The following DPP10 variants were observed in gnomAD, a reference collection of about 807,000 sequenced individuals.
The protein encoded by DPP10 is inactive dipeptidyl peptidase 10.
Under a neutral mutation model 120.9 loss-of-function variants are expected in DPP10, and 33 were observed. The observed-to-expected ratio is 0.27, with a 90% CI of 0.21 to 0.37. The LOEUF (loss-of-function observed/expected upper bound fraction) is 0.37. Among genes scored for constraint, DPP10 ranks in the 10% least tolerant of loss-of-function variants. DPP10 has a pLI of 1.00. For missense variants in DPP10, 816 were observed against 942.8 expected (o/e 0.87, Z 1.76); for synonymous variants, 337 against 326.1 (o/e 1.03, Z -0.36).
At chr2:114,730,046 A>G (rs1676742441) in intron 1 of DPP10, among the ~76,000 whole-genome samples, 1 of 152,246 alleles carries the variant, frequency 6.6e-6, no homozygotes, top group Non-Finnish European at 1.5e-5. Flanking sequence ...ACAAGTTATT[A>G]AAGAGAAATA....
chr2:115,269,933 A>C (rs1453132214), intron 1 of DPP10, among the ~76,000 whole-genome samples: 1 of 152,024 alleles, frequency 6.6e-6, no homozygotes, highest in Non-Finnish European at 1.5e-5. Flanking sequence ...GTGGCTATAA[A>C]CTTTAGCCCT....
At chr2:114,809,002 C>T (rs989068921) in intron 1 of DPP10, among the ~76,000 whole-genome samples, 1 of 149,782 alleles carries the variant, frequency 6.7e-6, no homozygotes, top group African/African-American at 2.4e-5. Flanking sequence ...GTGTAAAAGA[C>T]TGCTTTTTGA....
At position 115,745,755 on chromosome 2, in the gene DPP10, AGTTTGTTTGTTT is replaced by A. The variant is rs368358143; in HGVS notation, c.853-312_853-301del. Among the ~76,000 whole-genome samples the A allele has an allele frequency of 5.7e-5, 8 of 140,018 alleles. No individual in the cohort carries two copies. In the South Asian group the frequency reaches 8.8e-4, roughly 15 times the overall value. 91.9% of individuals were successfully genotyped at this position (140,018 alleles called of 152,430 possible). Reference sequence around the variant, plus strand: ...AATGTGAATAACTACTTGATCTACTAGTTTGTTTGTTTGTTTGTTTGTTTGTTTGTACAGCCA... The same window carrying A: ...AATGTGAATAACTACTTGATCTACTAGTTTGTTTGTTTGTTTGTACAGCCA... On this transcript the variant is annotated intron_variant, in intron 9 of 25. Coordinates refer to ENST00000410059, the MANE Select transcript of DPP10 (RefSeq NM_020868.6).
intron 1 of DPP10, among the ~76,000 whole-genome samples, chr2:114,602,271 A>G (rs547256832): frequency 6.6e-6 from 1 of 151,978 alleles, no homozygotes; most frequent in South Asian, 2.1e-4. Context: ...AGGAAGTTAG[A>G]GGTAGAGAGG....
intron 4 of DPP10, among the ~76,000 whole-genome samples, chr2:115,513,914 G>A (rs905602328): frequency 6.6e-5 from 10 of 151,954 alleles, no homozygotes; most frequent in Non-Finnish European, 1.3e-4. Context: ...TCAGCCTGAA[G>A]GACTTCTTCC....
At chr2:115,265,229 G>A (rs1222169100) in intron 1 of DPP10, among the ~76,000 whole-genome samples, 3 of 150,286 alleles carry the variant, frequency 2.0e-5, no homozygotes, top group South Asian at 2.1e-4. Context: ...ACACATCGAT[G>A]TTCCCAATGT....
intron 3 of DPP10, among the ~76,000 whole-genome samples, chr2:115,459,502 TTC>T (rs1201441078): frequency 6.6e-6 from 1 of 151,898 alleles, no homozygotes; most frequent in Non-Finnish European, 1.5e-5. Context: ...ATGAAAGAGT[TTC>T]TATTGTTTTG....
At chr2:114,631,605 C>T (rs1694931562) in intron 1 of DPP10, among the ~76,000 whole-genome samples, 1 of 152,108 alleles carries the variant, frequency 6.6e-6, no homozygotes, top group Non-Finnish European at 1.5e-5. Context: ...CCTGCGTGTC[C>T]AGTGTCAGGA....
intron 1 of DPP10, among the ~76,000 whole-genome samples, chr2:115,110,411 A>T (rs2049157433): frequency 6.6e-6 from 1 of 152,212 alleles, no homozygotes; most frequent in Admixed American, 6.5e-5. Flanking sequence ...TAGGAAAAGG[A>T]GCAATTTTCC....
In DPP10 at chr2:114,531,384, A is replaced by G. The variant is rs543728061; in HGVS notation, c.60+88546A>G. Among the ~76,000 whole-genome samples, 3 of 151,994 alleles carry G rather than the reference A, an allele frequency of 2.0e-5. No individual in the cohort carries two copies. In the South Asian group the frequency reaches 6.2e-4, roughly 32 times the overall value. ...GAATCCTTTCTTGATGATGATGATG[A>G]TAGAGAAGTATTTATTATGAAAGAA... On this transcript the variant is annotated intron_variant, in intron 1 of 25. Transcript: ENST00000410059.
At chr2:114,585,858 G>A (rs1690936884) in intron 1 of DPP10, among the ~76,000 whole-genome samples, 1 of 152,218 alleles carries the variant, frequency 6.6e-6, no homozygotes, top group African/African-American at 2.4e-5. Flanking sequence ...AAAGCCTCAA[G>A]AAGGGATAGA....
At chr2:114,779,215 G>A (rs1682046742) in intron 1 of DPP10, among the ~76,000 whole-genome samples, 1 of 151,914 alleles carries the variant, frequency 6.6e-6, no homozygotes. Context: ...ATGTGGATGT[G>A]GACACTAAAT....
chr2:115,163,330 T>A (rs1229861240), intron 1 of DPP10, among the ~76,000 whole-genome samples: 1 of 152,126 alleles, frequency 6.6e-6, no homozygotes, highest in African/African-American at 2.4e-5. Context: ...GTTTCTTTTC[T>A]CCTCTTCCCT....
At chr2:115,169,872 T>C (rs1472077262) in intron 1 of DPP10, among the ~76,000 whole-genome samples, 2 of 152,136 alleles carry the variant, frequency 1.3e-5, no homozygotes, top group African/African-American at 2.4e-5. Flanking sequence ...AGATAGCAAA[T>C]GAAGAAAAGG....
intron 2 of DPP10, among the ~76,000 whole-genome samples, chr2:115,339,711 G>T (rs2063347416): frequency 6.6e-6 from 1 of 152,066 alleles, no homozygotes; most frequent in Admixed American, 6.6e-5. Flanking sequence ...CAGTCCAAAA[G>T]CTTAGGTATG....
rs1191297794 is a variant in DPP10 at position 115,569,887 on chromosome 2, A to C, written c.441+43915A>C. Among the ~76,000 whole-genome samples, 6 of 152,364 alleles carry C rather than the reference A, an allele frequency of 3.9e-5. No homozygotes were observed. In the East Asian group the frequency reaches 9.6e-4, roughly 24 times the overall value. On this transcript the variant is annotated intron_variant, in intron 5 of 25. Coordinates refer to ENST00000410059, the MANE Select transcript of DPP10 (RefSeq NM_020868.6). The stretch of plus-strand genomic sequence containing the variant: ...AACTAAAACTAATTTGAAATAAAAC[A>C]CTAATAAAATGCTAATTAAATAAAA...
chr2:115,156,855 C>A (rs2051949106), intron 1 of DPP10, among the ~76,000 whole-genome samples: 1 of 152,108 alleles, frequency 6.6e-6, no homozygotes, highest in South Asian at 2.1e-4. Flanking sequence ...GTAGACAAAT[C>A]TGATTGAGAA....
intron 1 of DPP10, among the ~76,000 whole-genome samples, chr2:114,861,783 A>G (rs1332600972): frequency 6.6e-6 from 1 of 152,026 alleles, no homozygotes; most frequent in Admixed American, 6.6e-5. Flanking sequence ...TTCTGATATA[A>G]CCTCTTCTAC....
intron 5 of DPP10, among the ~76,000 whole-genome samples, chr2:115,622,510 CTTTTTTT>C (rs70941082): frequency 8.5e-6 from 1 of 117,446 alleles, no homozygotes; most frequent in Non-Finnish European, 1.7e-5. Flanking sequence ...ATTTTATTGT[CTTTTTTT>C]TTTTTTTTTT....
Sources: allele counts gnomAD v4.1 joint callset (sites outside exome capture counted in the v4.1 genomes callset), GRCh38; gene constraint gnomAD v4.1.1; transcripts MANE v1.5; gene names NCBI Gene and HGNC (gene_info 2026-07-23, HGNC 2026-07-21).